The following ZC4H2 variants were observed in gnomAD, a reference collection of about 807,000 sequenced individuals.
ZC4H2 encodes zinc finger C4H2-type containing.
For missense variants in ZC4H2, 137 were observed against 173.9 expected (o/e 0.79, Z 1.19); for synonymous variants, 84 against 66.3 (o/e 1.27, Z -1.30).
At chrX:64,972,148 T>A (rs933672856) in intron 1 of ZC4H2, among the ~76,000 whole-genome samples, 3 of 111,632 alleles carry the variant, frequency 2.7e-5, no homozygotes, top group Non-Finnish European at 5.6e-5. Context: ...AAGGAAAACA[T>A]GGGCAAAATA....
At chrX:64,948,238 G>A (rs750773028) in intron 1 of ZC4H2, among the ~76,000 whole-genome samples, 34 of 111,514 alleles carry the variant, frequency 3.0e-4, no homozygotes, top group African/African-American at 5.9e-4. Context: ...TATAGAAACC[G>A]GACTTGGTCC....
intron 1 of ZC4H2, among the ~76,000 whole-genome samples, chrX:64,950,020 T>C (rs930556065): frequency 8.9e-6 from 1 of 112,186 alleles, no homozygotes; most frequent in Admixed American, 9.5e-5. Context: ...CTGCTTTAAA[T>C]GTGTCCCAGA....
chrX:64,970,941 T>C (rs1931761295), intron 1 of ZC4H2, among the ~76,000 whole-genome samples: 2 of 111,852 alleles, frequency 1.8e-5, no homozygotes, highest in Non-Finnish European at 3.8e-5. Flanking sequence ...TAAATGTGTG[T>C]TCAACAGAGA....
intron 1 of ZC4H2, among the ~76,000 whole-genome samples, chrX:64,969,914 T>C (rs989444577): frequency 1.8e-5 from 2 of 111,752 alleles, no homozygotes; most frequent in African/African-American, 6.5e-5. Context: ...CTGTTTGAGA[T>C]GCCAGTGATA....
Position 64,929,303 on chromosome X carries a change from TC to T in ZC4H2, c.54-7316del, listed in dbSNP as rs1386481086. 3.6e-5 allele frequency among the ~76,000 whole-genome samples: 4 copies of T among 111,587 alleles called. No homozygotes were observed. The Admixed American group carries it at 3.8e-4, about 11-fold the overall frequency. On this transcript the variant is annotated intron_variant, in intron 1 of 4. Transcript: ENST00000374839. ...TCAGATGCATAGTTTGCAAATATTT[TC>T]CCCCACTCTATAGGCTGTCTGTTTA...
chrX:64,981,323 T>C (rs1932077186), upstream of ZC4H2, among the ~76,000 whole-genome samples: 1 of 111,249 alleles, frequency 9.0e-6, no homozygotes, highest in Non-Finnish European at 1.9e-5. Context: ...CTGACTGCTG[T>C]GAGAACAGAT....
At chrX:64,928,811 CCTTCTTCTT>C (rs763124347) in intron 1 of ZC4H2, among the ~76,000 whole-genome samples, 1 of 96,354 alleles carries the variant, frequency 1.0e-5, no homozygotes, top group African/African-American at 4.0e-5. Flanking sequence ...TTCTTCTTCT[CCTTCTTCTT>C]CTTCTCTTCC....
intron 1 of ZC4H2, among the ~76,000 whole-genome samples, chrX:64,994,889 A>G (rs1285291484): frequency 9.0e-6 from 1 of 111,607 alleles, no homozygotes; most frequent in Non-Finnish European, 1.9e-5. Context: ...AACAAAGAAA[A>G]TGAAAGAGTA....
chrX:64,954,152 A>G (rs1931016411), intron 1 of ZC4H2, among the ~76,000 whole-genome samples: 1 of 102,904 alleles, frequency 9.7e-6, no homozygotes, highest in South Asian at 4.4e-4. Context: ...GGAACATCAT[A>G]CACCGGGGCC....
chrX:64,967,565 CAG>C (rs1386062603), intron 1 of ZC4H2, among the ~76,000 whole-genome samples: 1 of 112,026 alleles, frequency 8.9e-6, no homozygotes, highest in African/African-American at 3.2e-5. Context: ...GTGGGACCCC[CAG>C]AGTCATTAAT....
chrX:64,949,935 A>C (rs781260654), intron 1 of ZC4H2, among the ~76,000 whole-genome samples: 2 of 110,999 alleles, frequency 1.8e-5, no homozygotes, highest in South Asian at 7.6e-4. Flanking sequence ...TTTAATTGTG[A>C]TGTTAGGGTG....
At chrX:64,952,358 G>T (rs1297384504) in intron 1 of ZC4H2, among the ~76,000 whole-genome samples, 1 of 109,479 alleles carries the variant, frequency 9.1e-6, no homozygotes, top group Admixed American at 9.8e-5. Flanking sequence ...GTAGCTTGAT[G>T]GGGATGGCAT....
chrX:64,960,176 C>A lies in ZC4H2; in HGVS notation c.53+16149G>T, dbSNP rs751179898. ...GCAGGGAAGGGAAACTCAGTCAGAG[C>A]CTGCTAGTCTCCTTCAATTGAAAAA... On this transcript the variant is annotated intron_variant, in intron 1 of 4. Coordinates refer to ENST00000374839, the MANE Select transcript of ZC4H2 (RefSeq NM_018684.4). Among the ~76,000 whole-genome samples the A allele has an allele frequency of 9.9e-5, 11 of 110,844 alleles. No individual in the cohort carries two copies. In the South Asian group the frequency reaches 4.2e-3, roughly 42 times the overall value.
intron 3 of ZC4H2, 33 bp from the exon 4 acceptor site, chrX:64,919,237 C>A (rs762106899): frequency 1.7e-6 from 2 of 1,204,970 alleles, no homozygotes; most frequent in South Asian, 3.5e-5. Context: ...CTAGATCATT[C>A]TGAAAGCAAT....
chrX:65,009,119 A>C (rs1427234780), intron 1 of ZC4H2, among the ~76,000 whole-genome samples: 2 of 111,883 alleles, frequency 1.8e-5, no homozygotes, highest in Admixed American at 1.9e-4. Context: ...ATAATTTACA[A>C]TATTTTATTT....
chrX:65,001,329 C>T (rs952935367), intron 1 of ZC4H2, among the ~76,000 whole-genome samples: 2 of 111,738 alleles, frequency 1.8e-5, no homozygotes, highest in African/African-American at 6.5e-5. Context: ...CCCAGAATTT[C>T]ATATCCAGCC....
rs142098059 is a variant in ZC4H2 at position 65,005,946 on chromosome X, C to G, written c.-272+28683G>C. 2.7e-5 allele frequency among the ~76,000 whole-genome samples: 3 copies of G among 110,872 alleles called. No homozygotes were observed. The Admixed American group carries it at 2.9e-4, about 11-fold the overall frequency. On this transcript the variant is annotated intron_variant, in intron 1 of 4. Coordinates refer to the ZC4H2 transcript ENST00000337990. Reference sequence around the variant, plus strand: ...GGAAGACATTTATGCAGCCAACAAACATATGAAAAAAAGGCTCATCATCAC... The same window carrying G: ...GGAAGACATTTATGCAGCCAACAAAGATATGAAAAAAAGGCTCATCATCAC...
In ZC4H2 at chrX:65,019,226, T is replaced by C. The variant is rs764097557; in HGVS notation, c.-272+15403A>G. 2.8e-4 allele frequency among the ~76,000 whole-genome samples: 31 copies of C among 111,791 alleles called. No homozygotes were observed. In the South Asian group the frequency reaches 0.012, roughly 42 times the overall value. ...TCCTCAAGTGGGTCCCTGACCCCCA[T>C]GTATCCTGACTGGGAGACACCTCCC... On this transcript the variant is annotated intron_variant, in intron 1 of 4. Transcript: ENST00000337990.
At chrX:64,948,194 C>T (rs887080345) in intron 1 of ZC4H2, among the ~76,000 whole-genome samples, 8 of 110,866 alleles carry the variant, frequency 7.2e-5, no homozygotes, top group African/African-American at 9.8e-5. Flanking sequence ...TTTCTTTGGG[C>T]GAATTTCTCA....
Sources: allele counts gnomAD v4.1 joint callset (sites outside exome capture counted in the v4.1 genomes callset), GRCh38; gene constraint gnomAD v4.1.1; transcripts MANE v1.5; gene names NCBI Gene and HGNC (gene_info 2026-07-23, HGNC 2026-07-21).